The following SLC9C1 variants were observed in gnomAD, a reference collection of about 807,000 sequenced individuals.
SLC9C1 encodes the protein sodium/hydrogen exchanger 10.
A neutral mutation model predicts 140.9 loss-of-function variants in SLC9C1; 97 were observed. The observed-to-expected ratio is 0.69, with a 90% CI of 0.58 to 0.82. The LOEUF (loss-of-function observed/expected upper bound fraction) is 0.82. SLC9C1 is among the 40% of genes least tolerant of loss of function. The probability of loss-of-function intolerance (pLI) is 0.00; values close to 1 mark genes in which losing one functional copy is unlikely to be tolerated. For missense variants in SLC9C1, 1,340 were observed against 1,389.3 expected, an observed-to-expected ratio of 0.96 and a Z score of 0.56; for synonymous variants, 440 against 442.6, an observed-to-expected ratio of 0.99 and a Z score of 0.07.
chr3:112,281,547 A>G (rs896325410), intron 2 of SLC9C1, among the ~76,000 whole-genome samples: 20 of 152,216 alleles, frequency 1.3e-4, no homozygotes, highest in African/African-American at 4.8e-4. Context: ...TGAAGGAAAT[A>G]AGGAATTGTA....
In SLC9C1 at chr3:112,199,402, CA is replaced by C. The variant is rs2077847179; in HGVS notation, c.2441del (p.Met814SerfsTer14). On this transcript the variant is annotated frameshift_variant, in exon 20 of 29. Transcript: ENST00000305815. LOFTEE classifies it high-confidence loss of function. ...TVKTKEEINV[M>X]LNMATEILKA... is the part of the protein sequence containing the mutation. The stretch of plus-strand genomic sequence containing the variant: ...TAAGAATTTCTGTAGCCATATTGAG[CA>C]TAACATTAATTTCTTCCTTTGTTTT... 1 of 1,599,788 alleles carries C rather than the reference CA, an allele frequency of 6.3e-7. No individual in the cohort carries two copies. The highest frequency in any genetic ancestry group is 1.3e-5 in the African/African-American group (1 of 74,418).
chr3:112,262,915 T>C lies in SLC9C1; in HGVS notation c.1197+9A>G. On this transcript the variant is annotated intron_variant, in intron 10 of 28. Transcript: ENST00000305815. Reference sequence around the variant, plus strand: ...CAATATTCAGATAAGAAAATACAGCTTTCTTTACTTGAGATTTTTCTTTGT... The same window carrying C: ...CAATATTCAGATAAGAAAATACAGCCTTCTTTACTTGAGATTTTTCTTTGT... 6.4e-7 allele frequency: 1 copy of C among 1,558,686 alleles called. No homozygotes were observed. The highest frequency in any genetic ancestry group is 8.6e-7 in the Non-Finnish European group (1 of 1,160,382).
At chr3:112,216,427 G>A (rs1016182532) in intron 15 of SLC9C1, among the ~76,000 whole-genome samples, 1 of 151,910 alleles carries the variant, frequency 6.6e-6, no homozygotes, top group Non-Finnish European at 1.5e-5. Flanking sequence ...GCAACCTACA[G>A]AATGGGAGAA....
intron 13 of SLC9C1, among the ~76,000 whole-genome samples, chr3:112,229,354 A>G (rs1309405623): frequency 6.6e-6 from 1 of 152,106 alleles, no homozygotes; most frequent in Non-Finnish European, 1.5e-5. Flanking sequence ...CGAAAGAAAC[A>G]ATAAAGGTTT....
chr3:112,179,794 A>G (rs964158295), intron 22 of SLC9C1, 93 bp from the exon 23 acceptor site: 8 of 976,166 alleles, frequency 8.2e-6, no homozygotes, highest in Non-Finnish European at 1.1e-5. Context: ...GGTTTGAACA[A>G]TTCTAATATT....
intron 11 of SLC9C1, 132 bp downstream of exon 11, chr3:112,243,863 A>T: frequency 1.8e-6 from 1 of 559,120 alleles, no homozygotes; most frequent in Non-Finnish European, 3.0e-6. Context: ...GCTAATTTTT[A>T]AACTTTTTGT....
rs562226852 is a variant in SLC9C1 at position 112,158,707 on chromosome 3, G to T, written c.3365-3658C>A. Among the ~76,000 whole-genome samples the T allele has an allele frequency of 5.5e-4, 83 of 151,770 alleles. 1 individual carries two copies. Among genetic ancestry groups the T allele is most frequent in the Non-Finnish European group, 6.0e-4 (41 of 67,858 alleles). On this transcript the variant is annotated intron_variant, in intron 26 of 28. Transcript: ENST00000305815. ...GCTTTGATCTTGTTATGTGTTATGGGTCTGTACAGGTGTTCTATTTCTTCA... is the reference window on the plus strand; with the variant it reads ...GCTTTGATCTTGTTATGTGTTATGGTTCTGTACAGGTGTTCTATTTCTTCA...
intron 9 of SLC9C1, among the ~76,000 whole-genome samples, chr3:112,263,626 A>G (rs2079837199): frequency 6.6e-6 from 1 of 151,878 alleles, no homozygotes; most frequent in African/African-American, 2.4e-5. Context: ...GACTTCAGCA[A>G]TTCAACTAGA....
At chr3:112,154,958 C>T (rs2075086546) in intron 27 of SLC9C1, 39 bp downstream of exon 27, 3 of 1,576,630 alleles carry the variant, frequency 1.9e-6, no homozygotes, top group Non-Finnish European at 2.6e-6. Context: ...CTCTCTTTTA[C>T]CCAAAATACA....
intron 28 of SLC9C1, among the ~76,000 whole-genome samples, chr3:112,150,779 TATAAATACATATACATATATATATATA>T (rs1363005172): frequency 0.015 from 993 of 65,862 alleles, 9 homozygotes; most frequent in Non-Finnish European, 0.022. Context: ...CATATATATA[TATAAATACATATACATATATATATATA>T]TATAAATACA....
chr3:112,141,020 TTACTC>T lies in SLC9C1; in HGVS notation c.*247_*251del, dbSNP rs747271739. 6.0e-5 allele frequency: 22 copies of T among 368,090 alleles called. No individual in the cohort carries two copies. The highest frequency in any genetic ancestry group is 9.0e-5 in the Non-Finnish European group (18 of 200,892). 22.8% of individuals were successfully genotyped at this position (368,090 alleles called of 1,614,324 possible). ...TATTTTCTGGCTTTAAGACTAAAAT[TTACTC>T]TAAGATTTTCTAAAATGTTTTGTAT... On this transcript the variant is annotated 3_prime_UTR_variant, in exon 29 of 29. Coordinates refer to ENST00000305815, the MANE Select transcript of SLC9C1 (RefSeq NM_183061.3).
chr3:112,169,407 A>C lies in SLC9C1; in HGVS notation c.2920-79T>G, dbSNP rs2077203679. ...GAATAAAGTTTTTTTGTTTATGTACACTATTAAAGCTAATAATTTAATTAG... is the reference window on the plus strand; with the variant it reads ...GAATAAAGTTTTTTTGTTTATGTACCCTATTAAAGCTAATAATTTAATTAG... On this transcript the variant is annotated intron_variant, in intron 23 of 28. Transcript: ENST00000305815. 2.2e-6 allele frequency: 3 copies of C among 1,352,874 alleles called. No individual in the cohort carries two copies. In the South Asian group the frequency reaches 4.4e-5, roughly 20 times the overall value. 83.8% of individuals were successfully genotyped at this position (1,352,874 alleles called of 1,614,324 possible).
chr3:112,255,855 A>G lies in SLC9C1; in HGVS notation c.1197+7069T>C, dbSNP rs1211626938. On this transcript the variant is annotated intron_variant, in intron 10 of 28. Transcript: ENST00000305815. ...AAGCTTCTAGCTAGACTAATAAAGA[A>G]GAGAACATTCAAATAAGCCCAATTA... Among the ~76,000 whole-genome samples the G allele has an allele frequency of 2.0e-5, 3 of 152,232 alleles. No homozygotes were observed. The East Asian group carries it at 5.8e-4, about 29-fold the overall frequency.
intron 21 of SLC9C1, 152 bp from the exon 22 acceptor site, chr3:112,180,814 C>A: frequency 1.7e-6 from 1 of 597,564 alleles, no homozygotes. Flanking sequence ...TGGCTCACTG[C>A]ACCCTCCCCC....
chr3:112,204,427 A>G (rs1370958925), intron 16 of SLC9C1, 24 bp from the exon 17 acceptor site: 4 of 1,537,994 alleles, frequency 2.6e-6, no homozygotes, highest in Non-Finnish European at 3.5e-6. Context: ...AGGAAATTAC[A>G]TTATCATGTT....
At chr3:112,239,754 C>A in intron 12 of SLC9C1, 86 bp downstream of exon 12, 2 of 1,247,324 alleles carry the variant, frequency 1.6e-6, no homozygotes, top group South Asian at 1.7e-5. Context: ...AATATTAAAA[C>A]TTGTGAATTA....
chr3:112,167,771 T>C (rs936420503), intron 25 of SLC9C1, among the ~76,000 whole-genome samples: 3 of 152,184 alleles, frequency 2.0e-5, no homozygotes, highest in Non-Finnish European at 4.4e-5. Flanking sequence ...TGAATCACAC[T>C]GGTACCCAAA....
At chr3:112,159,028 T>C (rs1374011247) in intron 26 of SLC9C1, among the ~76,000 whole-genome samples, 2 of 151,992 alleles carry the variant, frequency 1.3e-5, no homozygotes, top group East Asian at 3.9e-4. Context: ...TTATTTATTC[T>C]CTTCTACTAA....
At chr3:112,262,044 T>C (rs571614140) in intron 10 of SLC9C1, among the ~76,000 whole-genome samples, 15 of 152,142 alleles carry the variant, frequency 9.9e-5, no homozygotes, top group African/African-American at 3.6e-4. Context: ...TAAGTCTGTT[T>C]TGGAGTGAGG....
Sources: allele counts gnomAD v4.1 joint callset (sites outside exome capture counted in the v4.1 genomes callset), GRCh38; gene constraint gnomAD v4.1.1; transcripts MANE v1.5; gene names NCBI Gene and HGNC (gene_info 2026-07-23, HGNC 2026-07-21).